The following ZC2HC1B variants were observed in gnomAD, a reference collection of about 807,000 sequenced individuals.
ZC2HC1B encodes the protein zinc finger C2HC-type containing 1B.
A neutral mutation model predicts 31.0 loss-of-function variants in ZC2HC1B; 36 were observed. That is an observed-to-expected ratio of 1.16 (90% confidence interval 0.89 to 1.54). The LOEUF (loss-of-function observed/expected upper bound fraction) is 1.54, where lower values mean the gene tolerates loss of function less well. Ranked by LOEUF, ZC2HC1B falls within the 40% of genes most tolerant of loss-of-function variation. The pLI, the probability that ZC2HC1B is intolerant of heterozygous loss-of-function variation, is 0.00. For missense variants in ZC2HC1B, 260 were observed against 268.6 expected, an observed-to-expected ratio of 0.97 and a Z score of 0.22; for synonymous variants, 73 against 88.0, an observed-to-expected ratio of 0.83 and a Z score of 0.95.
At position 143,918,844 on chromosome 6, in the gene ZC2HC1B, A is replaced by G. The variant is rs76764756; in HGVS notation, c.598+15692A>G. Among the ~76,000 whole-genome samples, 2,953 of 152,170 alleles carry G rather than the reference A, an allele frequency of 0.019. 101 individuals are homozygous for G. The highest frequency in any genetic ancestry group is 0.067 in the African/African-American group (2,777 of 41,518). ...TTGTTCAAATGTATTCTTGAATCCT[A>G]CTAGTAAAGTTTTCATTTCATTTAT... On this transcript the variant is annotated intron_variant, in intron 6 of 7. Transcript: ENST00000237275. The surrounding 1 kb of genome is among the most constrained non-coding windows in gnomAD (Gnocchi z 4.1).
rs139960479 is a variant in ZC2HC1B, at chr6:143,931,255, A to G, written c.599-6394A>G. 7.9e-5 allele frequency among the ~76,000 whole-genome samples: 12 copies of G among 152,234 alleles called. No homozygotes were observed. The East Asian group carries it at 2.3e-3, about 29-fold the overall frequency. ...ATACTTCATCGGTGGATTTTTGTCC[A>G]TTCTGCCATTCTTTACCTTTTAAGT... On this transcript the variant is annotated intron_variant, in intron 6 of 7. Transcript: ENST00000237275.
At chr6:143,912,307 G>A (rs556927431) in intron 6 of ZC2HC1B, among the ~76,000 whole-genome samples, 2 of 152,294 alleles carry the variant, frequency 1.3e-5, no homozygotes, top group South Asian at 4.1e-4. Context: ...AGCCCTTGCT[G>A]GAGAGGTGTT....
In ZC2HC1B at chr6:143,886,146, T is replaced by A. The variant is rs753122185; in HGVS notation, c.205T>A (p.Ser69Thr). The part of the protein sequence containing the change: ...DIPTVKKTPQ[S>T]KSPPVRKSNW... ...TCCTACTGTGAAGAAGACTCCACAA[T>A]CCAAGGTACTCCTGATATCTTCTTT... The change falls in exon 3 of 8, where the codon TCC (serine) becomes ACC (threonine). Residue 69 changes from serine to threonine, a missense_variant. By Grantham distance (58) the Ser-to-Thr change is moderately conservative (BLOSUM62 1). Coordinates refer to ENST00000237275, the MANE Select transcript of ZC2HC1B (RefSeq NM_001013623.3). The surrounding 1 kb of genome is among the most constrained non-coding windows in gnomAD (Gnocchi z 4.2). 5 of 1,535,840 alleles carry A rather than the reference T, an allele frequency of 3.3e-6. No individual in the cohort carries two copies. The highest frequency in any genetic ancestry group is 4.4e-6 in the Non-Finnish European group (5 of 1,142,498).
chr6:143,874,491 G>C (rs1777383503), intron 1 of ZC2HC1B, among the ~76,000 whole-genome samples: 1 of 152,130 alleles, frequency 6.6e-6, no homozygotes, highest in African/African-American at 2.4e-5. Flanking sequence ...TGCTGATAAA[G>C]ACATACCTGA....
chr6:143,867,427 C>G (rs79583678), intron 1 of ZC2HC1B, among the ~76,000 whole-genome samples: 1 of 152,162 alleles, frequency 6.6e-6, no homozygotes, highest in Non-Finnish European at 1.5e-5. Flanking sequence ...TACAAGAACC[C>G]ATGTTTAGAT....
intron 5 of ZC2HC1B, among the ~76,000 whole-genome samples, chr6:143,900,997 C>A (rs576765786): frequency 6.6e-6 from 1 of 151,790 alleles, no homozygotes; most frequent in Non-Finnish European, 1.5e-5. Flanking sequence ...CACCACCATG[C>A]CTGACTAATT....
chr6:143,906,707 G>T (rs917402975), intron 6 of ZC2HC1B, among the ~76,000 whole-genome samples: 2 of 151,166 alleles, frequency 1.3e-5, no homozygotes, highest in Admixed American at 6.6e-5. Context: ...GCCTTGCAAA[G>T]TGCTGGGATT....
chr6:143,905,749 G>A lies in ZC2HC1B; in HGVS notation c.598+2597G>A, dbSNP rs957459306. Among the ~76,000 whole-genome samples the A allele has an allele frequency of 1.8e-4, 27 of 151,938 alleles. No homozygotes were observed. Among genetic ancestry groups the A allele is most frequent in the African/African-American group, 6.3e-4 (26 of 41,354 alleles). On this transcript the variant is annotated intron_variant, in intron 6 of 7. Transcript: ENST00000237275. This position sits in a 1 kb window ranked among gnomAD's most constrained non-coding sequence, Gnocchi z 4.2. Reference sequence around the variant, plus strand: ...TTTCCTTCTATTCTTAGTTTGTTGAGTGTTTTTATCATGAAAGGGTGTTGA... The same window carrying A: ...TTTCCTTCTATTCTTAGTTTGTTGAATGTTTTTATCATGAAAGGGTGTTGA...
chr6:143,878,549 G>A lies in ZC2HC1B; in HGVS notation c.29-5755G>A, dbSNP rs529989133. 1.7e-3 allele frequency among the ~76,000 whole-genome samples: 260 copies of A among 150,698 alleles called. 13 individuals carry two copies. Among genetic ancestry groups the A allele is most frequent in the African/African-American group, 6.2e-3 (254 of 40,878 alleles). ...GCTGTCTAGTGTTCCTAAGCTCAAG[G>A]CTGTGATTTGCCCTAAGGAGAAAAT... On this transcript the variant is annotated intron_variant, in intron 1 of 7. Transcript: ENST00000237275.
chr6:143,898,782 C>A, intron 5 of ZC2HC1B, 91 bp downstream of exon 5: 1 of 1,462,576 alleles, frequency 6.8e-7, no homozygotes, highest in Middle Eastern at 1.8e-4. Context: ...AGTTACCCAT[C>A]CTAAGAAGTG....
At chr6:143,889,085 T>C (rs892390195) in intron 4 of ZC2HC1B, among the ~76,000 whole-genome samples, 1 of 151,828 alleles carries the variant, frequency 6.6e-6, no homozygotes, top group African/African-American at 2.4e-5. Context: ...TAGCACAAGG[T>C]TGAGTGAGGA....
At chr6:143,877,700 A>G (rs1264981562) in intron 1 of ZC2HC1B, among the ~76,000 whole-genome samples, 1 of 150,216 alleles carries the variant, frequency 6.7e-6, no homozygotes, top group Non-Finnish European at 1.5e-5. Context: ...TTTGCTCATC[A>G]TTAAGACTGG....
intron 6 of ZC2HC1B, among the ~76,000 whole-genome samples, chr6:143,916,156 C>T (rs759058152): frequency 2.2e-4 from 33 of 152,220 alleles, no homozygotes; most frequent in Non-Finnish European, 1.6e-4. Context: ...GTCCCAGCTG[C>T]TCCAGCCCTG....
At chr6:143,873,539 C>T (rs748806707) in intron 1 of ZC2HC1B, among the ~76,000 whole-genome samples, 3 of 152,258 alleles carry the variant, frequency 2.0e-5, no homozygotes. Flanking sequence ...GACCCCACCC[C>T]TGCAGCAAAC....
chr6:143,910,572 G>A (rs1239076806), intron 6 of ZC2HC1B, among the ~76,000 whole-genome samples: 2 of 152,140 alleles, frequency 1.3e-5, no homozygotes. Flanking sequence ...TGGTGTTAAA[G>A]TCTCCCACTA....
At chr6:143,928,378 C>T (rs1011036962) in intron 6 of ZC2HC1B, among the ~76,000 whole-genome samples, 3 of 152,148 alleles carry the variant, frequency 2.0e-5, no homozygotes, top group African/African-American at 7.2e-5. Context: ...TGTCCTTTCT[C>T]TGATGTATGT....
At position 143,903,653 on chromosome 6, in the gene ZC2HC1B, A is replaced by G. The variant is rs370805913; in HGVS notation, c.598+501A>G. Among the ~76,000 whole-genome samples the G allele has an allele frequency of 8.6e-4, 131 of 152,316 alleles. 1 individual carries two copies. In the Middle Eastern group the frequency reaches 0.017, roughly 20 times the overall value. On this transcript the variant is annotated intron_variant, in intron 6 of 7. Transcript: ENST00000237275. This position sits in a 1 kb window ranked among gnomAD's most constrained non-coding sequence, Gnocchi z 4.3. The stretch of plus-strand genomic sequence containing the variant: ...ACTAACATAAGTCAAGAATTTCTGT[A>G]CAGTCATCCCTCGGTATCCACAGGG...
rs1683870000 is a variant in ZC2HC1B at position 143,868,663 on chromosome 6, C to T, written c.28+4096C>T. On this transcript the variant is annotated intron_variant, in intron 1 of 7. Coordinates refer to ENST00000237275, the MANE Select transcript of ZC2HC1B (RefSeq NM_001013623.3). This position sits in a 1 kb window ranked among gnomAD's most constrained non-coding sequence, Gnocchi z 4.2. ...CAATCAGGTTGACACTCAGTATTAA[C>T]CATCACAAGTCTACCTCTTGTCAAC... Among the ~76,000 whole-genome samples, 1 of 152,158 alleles carries T rather than the reference C, an allele frequency of 6.6e-6. No individual in the cohort carries two copies. The highest frequency in any genetic ancestry group is 2.1e-4 in the South Asian group (1 of 4,824).
chr6:143,877,374 C>T (rs1174528513), intron 1 of ZC2HC1B, among the ~76,000 whole-genome samples: 2 of 143,536 alleles, frequency 1.4e-5, no homozygotes, highest in African/African-American at 5.3e-5. Flanking sequence ...CCTCCACCTC[C>T]TGGGTTCAAG....
Sources: gnomAD v4.1 joint callset for allele counts (sites outside exome capture counted in the v4.1 genomes callset) on GRCh38, gnomAD v4.1.1 for gene constraint, Gnocchi (gnomAD v3.1) non-coding constraint, MANE v1.5 for transcripts, NCBI Gene and HGNC (gene_info 2026-07-23, HGNC 2026-07-21) for gene names.